KLHL7: variants seen among roughly 807,000 people sequenced by gnomAD.
KLHL7 encodes kelch like family member 7, also known as kelch-like protein 7.
Under a neutral mutation model 67.4 loss-of-function variants are expected in KLHL7, and 44 were observed. That is an observed-to-expected ratio of 0.65 (90% CI 0.51 to 0.84). The LOEUF (loss-of-function observed/expected upper bound fraction) is 0.84, where lower values mean the gene tolerates loss of function less well. Among genes scored for constraint, KLHL7 ranks in the 40% least tolerant of loss-of-function variants. The pLI is 0.00. For synonymous variants in KLHL7, 252 were observed against 243.3 expected, an observed-to-expected ratio of 1.04 and a Z score of -0.33; for missense variants, 362 against 718.1, an observed-to-expected ratio of 0.50 and a Z score of 5.67.
At chr7:23,157,740 T>C (rs1784749221) in intron 7 of KLHL7, among the ~76,000 whole-genome samples, 1 of 152,192 alleles carries the variant, frequency 6.6e-6, no homozygotes, top group South Asian at 2.1e-4. Context: ...TTTGTTTCTC[T>C]TTGTGTTATG....
intron 7 of KLHL7, among the ~76,000 whole-genome samples, chr7:23,162,142 G>C (rs1562588874): frequency 2.0e-5 from 3 of 152,190 alleles, no homozygotes; most frequent in African/African-American, 2.4e-5. Flanking sequence ...GTTCTTTCTA[G>C]TAGGCCATGA....
Position 23,136,890 on chromosome 7 carries a change from C to T in KLHL7, c.443-3879C>T, listed in dbSNP as rs575986496. 3.9e-5 allele frequency among the ~76,000 whole-genome samples: 6 copies of T among 152,172 alleles called. No homozygotes were observed. The South Asian group carries it at 8.3e-4, about 21-fold the overall frequency. On this transcript the variant is annotated intron_variant, in intron 4 of 10. Coordinates refer to ENST00000339077, the MANE Select transcript of KLHL7 (RefSeq NM_001031710.3). ...GAAATTGGTAGCCTTAAATTTTTTT[C>T]CAAATAAATGTATTTATTTTTATTC...
chr7:23,118,121 C>G (rs1221971072), intron 1 of KLHL7, among the ~76,000 whole-genome samples: 2 of 152,190 alleles, frequency 1.3e-5, no homozygotes, highest in African/African-American at 4.8e-5. Flanking sequence ...TTTTGTAATC[C>G]TGTCGAGTAA....
chr7:23,113,660 G>C (rs1036120055), intron 1 of KLHL7, among the ~76,000 whole-genome samples: 1 of 152,094 alleles, frequency 6.6e-6, no homozygotes, highest in Non-Finnish European at 1.5e-5. Flanking sequence ...GTGAAACCCC[G>C]TCTCTACTAA....
Sources: allele counts gnomAD v4.1 joint callset (sites outside exome capture counted in the v4.1 genomes callset), GRCh38; gene constraint gnomAD v4.1.1; transcripts MANE v1.5; gene names NCBI Gene and HGNC (gene_info 2026-07-23, HGNC 2026-07-21).